Variants in NDST3 observed in about 807,000 individuals in gnomAD.
NDST3 encodes bifunctional heparan sulfate N-deacetylase/N-sulfotransferase 3.
Under a neutral mutation model 96.1 loss-of-function variants are expected in NDST3, and 58 were observed. The observed-to-expected ratio is 0.60, with a 90% CI of 0.49 to 0.75. The LOEUF (loss-of-function observed/expected upper bound fraction) is 0.75, where lower values mean the gene tolerates loss of function less well. Among genes scored for constraint, NDST3 ranks in the 30% least tolerant of loss-of-function variants. The pLI, the probability that NDST3 is intolerant of heterozygous loss-of-function variation, is 0.00. For synonymous variants in NDST3, 333 were observed against 359.7 expected (o/e 0.93, Z 0.84); for missense variants, 788 against 1,034.2 (o/e 0.76, Z 3.27).
chr4:118,070,205 G>A (rs1221305444), intron 2 of NDST3, among the ~76,000 whole-genome samples: 2 of 152,040 alleles, frequency 1.3e-5, no homozygotes, highest in Non-Finnish European at 2.9e-5. Flanking sequence ...CTAAGGTCTC[G>A]ACCAGTTCTA....
chr4:118,186,715 A>G (rs1736986644), intron 6 of NDST3, among the ~76,000 whole-genome samples: 1 of 152,148 alleles, frequency 6.6e-6, no homozygotes, highest in African/African-American at 2.4e-5. Flanking sequence ...GCATCCTTCA[A>G]TCCAGTCAAG....
At chr4:118,116,903 A>G (rs1287625775) in intron 4 of NDST3, among the ~76,000 whole-genome samples, 1 of 152,206 alleles carries the variant, frequency 6.6e-6, no homozygotes, top group African/African-American at 2.4e-5. Context: ...ATATGCTAGA[A>G]CAGGCATGCA....
In NDST3 at chr4:118,040,865, T is replaced by TTTTATATATATATATA. The variant is rs1553924509; in HGVS notation, c.-156+6304_-156+6319dup. Reference sequence around the variant, plus strand: ...CTAATTTATATATATATTTATATATTTTTATATATATATATATTTATATAT... The same window carrying TTTTATATATATATATA: ...CTAATTTATATATATATTTATATATTTTTATATATATATATATTTATATATATATATATTTATATAT... On this transcript the variant is annotated intron_variant, in intron 1 of 13. Coordinates refer to ENST00000296499, the MANE Select transcript of NDST3 (RefSeq NM_004784.3). Among the ~76,000 whole-genome samples, 7 of 28,716 alleles carry TTTTATATATATATATA rather than the reference T, an allele frequency of 2.4e-4. No individual in the cohort carries two copies. In the South Asian group the frequency reaches 0.014, roughly 59 times the overall value. 18.8% of individuals were successfully genotyped at this position (28,716 alleles called of 152,430 possible). A position where few individuals can be genotyped will look rare whatever the true frequency, so the allele number is the denominator to read the frequency against.
chr4:118,041,842 G>GA (rs1412936026), intron 1 of NDST3, among the ~76,000 whole-genome samples: 11 of 152,064 alleles, frequency 7.2e-5, no homozygotes, highest in Non-Finnish European at 1.5e-4. Context: ...AAATTACTGG[G>GA]AAAAAACATG....
At chr4:118,135,808 G>T (rs1244951566) in intron 4 of NDST3, among the ~76,000 whole-genome samples, 1 of 152,168 alleles carries the variant, frequency 6.6e-6, no homozygotes, top group Non-Finnish European at 1.5e-5. Context: ...AGCCCAGGAG[G>T]TCGAGGATGC....
intron 6 of NDST3, among the ~76,000 whole-genome samples, chr4:118,153,775 A>T (rs112864277): frequency 0.028 from 4,240 of 152,086 alleles, 214 homozygotes; most frequent in African/African-American, 0.096. Flanking sequence ...AGTGAGCCGA[A>T]ATCGCACCAC....
In NDST3 at chr4:118,082,236, C is replaced by A. The variant is rs144301048; in HGVS notation, c.982-22782C>A. ...ATCTTTTGCTGTCCATGGATACTTA[C>A]AAGTTTCCTTTTGCCACTTGTCAAG... On this transcript the variant is annotated intron_variant, in intron 2 of 13. Transcript: ENST00000296499. Among the ~76,000 whole-genome samples, 404 of 152,280 alleles carry A rather than the reference C, an allele frequency of 2.7e-3. 2 individuals are homozygous for A. The highest frequency in any genetic ancestry group is 9.2e-3 in the African/African-American group (381 of 41,560).
intron 6 of NDST3, among the ~76,000 whole-genome samples, chr4:118,162,262 T>C (rs1735211417): frequency 6.6e-6 from 1 of 152,132 alleles, no homozygotes; most frequent in African/African-American, 2.4e-5. Flanking sequence ...TTAAAGTTCA[T>C]ATGGAACCAA....
intron 8 of NDST3, 128 bp downstream of exon 8, chr4:118,227,110 A>C (rs1739935587): frequency 1.5e-6 from 1 of 670,184 alleles, no homozygotes; most frequent in Non-Finnish European, 2.6e-6. Flanking sequence ...TTTCTCTGAC[A>C]TAATTTTCAT....
chr4:118,159,249 G>C (rs901543276), intron 6 of NDST3, among the ~76,000 whole-genome samples: 1 of 152,194 alleles, frequency 6.6e-6, no homozygotes, highest in Admixed American at 6.5e-5. Context: ...AGGGGCTGCT[G>C]ACAACAAAAG....
intron 2 of NDST3, among the ~76,000 whole-genome samples, chr4:118,065,913 T>C (rs955859539): frequency 6.7e-6 from 1 of 149,660 alleles, no homozygotes. Flanking sequence ...TCTATTTTCT[T>C]CTCTGACTAT....
At chr4:118,114,644 C>A (rs959180941) in intron 3 of NDST3, among the ~76,000 whole-genome samples, 162 bp from the exon 4 acceptor site, 18 of 152,160 alleles carry the variant, frequency 1.2e-4, no homozygotes, top group African/African-American at 4.3e-4. Context: ...TCCTGATTAA[C>A]AGATTTTCCT....
intron 8 of NDST3, among the ~76,000 whole-genome samples, chr4:118,229,703 T>C (rs976384248): frequency 2.0e-5 from 3 of 152,214 alleles, no homozygotes; most frequent in Non-Finnish European, 4.4e-5. Context: ...AAAGAATGTT[T>C]TCAGTTGATC....
At chr4:118,226,828 G>A in intron 7 of NDST3, 58 bp from the exon 8 acceptor site, 2 of 1,175,224 alleles carry the variant, frequency 1.7e-6, no homozygotes, top group Non-Finnish European at 2.5e-6. Context: ...GGAAAAGCTG[G>A]CACACAATGG....
At chr4:118,194,831 G>A (rs1196194416) in intron 6 of NDST3, 1 of 340,392 alleles carries the variant, frequency 2.9e-6, no homozygotes, top group Non-Finnish European at 5.4e-6. Context: ...CTACCTTCAG[G>A]GTGTGCAGGA....
At position 118,240,487 on chromosome 4, in the gene NDST3, G is replaced by T. The variant is rs757278924; in HGVS notation, c.2119-37G>T. 2.4e-5 allele frequency: 37 copies of T among 1,531,520 alleles called. 1 individual carries two copies. Among genetic ancestry groups the T allele is most frequent in the South Asian group, 1.3e-5 (1 of 78,808 alleles). 94.9% of individuals were successfully genotyped at this position (1,531,520 alleles called of 1,614,324 possible). On this transcript the variant is annotated intron_variant, in intron 10 of 13. Transcript: ENST00000296499. ...TGATTTTTAATTATTTATGCCTACG[G>T]TTCAGATTAGTTTAATTATCCACCT...
In NDST3 at chr4:118,101,134, G is replaced by A. The variant is rs541025460; in HGVS notation, c.982-3884G>A. Among the ~76,000 whole-genome samples, 4 of 151,644 alleles carry A rather than the reference G, an allele frequency of 2.6e-5. No homozygotes were observed. In the East Asian group the frequency reaches 7.8e-4, roughly 29 times the overall value. ...AGACATTCCACCAAGAATGCCACAC[G>A]TGTCATCAACACTAACATAAATCTT... On this transcript the variant is annotated intron_variant, in intron 2 of 13. Transcript: ENST00000296499.
intron 2 of NDST3, among the ~76,000 whole-genome samples, chr4:118,077,408 T>C (rs1173669853): frequency 2.6e-5 from 4 of 152,226 alleles, no homozygotes; most frequent in East Asian, 3.9e-4. Flanking sequence ...GTCCAGTAGA[T>C]GGCGCTTAAG....
rs184300650 is a variant in NDST3, at chr4:118,193,075, C to A, written c.1540-31416C>A. Among the ~76,000 whole-genome samples, 3 of 152,244 alleles carry A rather than the reference C, an allele frequency of 2.0e-5. No individual in the cohort carries two copies. The East Asian group carries it at 5.8e-4, about 30-fold the overall frequency. On this transcript the variant is annotated intron_variant, in intron 6 of 13. Transcript: ENST00000296499. ...CTCCACCCTGGGTTCATATCAGACC[C>A]CATCCCTACCACTTGCCTCTTCTAC... is the stretch of plus-strand genomic sequence containing the variant.
Sources: gnomAD v4.1 joint callset for allele counts (sites outside exome capture counted in the v4.1 genomes callset) on GRCh38, gnomAD v4.1.1 for gene constraint, MANE v1.5 for transcripts, NCBI Gene and HGNC (gene_info 2026-07-23, HGNC 2026-07-21) for gene names.